Variants in LPP observed in about 807,000 individuals in gnomAD.
The protein encoded by LPP is LIM domain containing preferred translocation partner in lipoma, also known as lipoma-preferred partner.
LPP carries 38 observed loss-of-function variants against 60.4 expected under a neutral mutation model. The observed-to-expected ratio is 0.63, with a 90% CI of 0.49 to 0.83. LPP has a LOEUF of 0.83. Ranked by LOEUF, LPP falls within the 40% of genes least tolerant of loss-of-function variation. The pLI, the probability that LPP is intolerant of heterozygous loss-of-function variation, is 0.00. For synonymous variants in LPP, 328 were observed against 290.8 expected (o/e 1.13, Z -1.30); for missense variants, 902 against 783.6 (o/e 1.15, Z -1.80).
At chr3:188,369,736 A>G (rs1400733424) in intron 3 of LPP, among the ~76,000 whole-genome samples, 2 of 152,276 alleles carry the variant, frequency 1.3e-5, no homozygotes, top group East Asian at 1.9e-4. Context: ...GTGAATCAGC[A>G]GGACTGGCAG....
intron 6 of LPP, among the ~76,000 whole-genome samples, chr3:188,598,057 G>A (rs908457323): frequency 2.0e-5 from 3 of 152,126 alleles, no homozygotes; most frequent in Non-Finnish European, 4.4e-5. Context: ...GCATCATTTC[G>A]TTTGAAATCT....
At chr3:188,395,261 C>T (rs1780642370) in intron 3 of LPP, among the ~76,000 whole-genome samples, 1 of 152,040 alleles carries the variant, frequency 6.6e-6, no homozygotes, top group African/African-American at 2.4e-5. Context: ...TTCTATTGCC[C>T]AGGCTGGAGT....
intron 4 of LPP, among the ~76,000 whole-genome samples, chr3:188,469,599 C>T (rs1350248285): frequency 6.6e-6 from 1 of 152,046 alleles, no homozygotes; most frequent in East Asian, 1.9e-4. Context: ...AGTTCCTTTC[C>T]AAGATTTTTA....
chr3:188,615,307 A>C (rs1385648971), intron 7 of LPP, among the ~76,000 whole-genome samples: 1 of 152,082 alleles, frequency 6.6e-6, no homozygotes, highest in Non-Finnish European at 1.5e-5. Context: ...TCCTTCCCCA[A>C]ATAAAATCTA....
chr3:188,551,933 GA>G (rs1828241476), intron 6 of LPP, among the ~76,000 whole-genome samples: 1 of 152,172 alleles, frequency 6.6e-6, no homozygotes. Flanking sequence ...AGAATGATGT[GA>G]TGCCATCTTG....
chr3:188,214,450 T>C (rs1712689659), intron 1 of LPP, among the ~76,000 whole-genome samples: 1 of 152,182 alleles, frequency 6.6e-6, no homozygotes, highest in Non-Finnish European at 1.5e-5. Context: ...CTTGAGGGCC[T>C]TATTTTCCAG....
chr3:188,655,359 C>G, intron 7 of LPP, among the ~76,000 whole-genome samples: 1 of 151,842 alleles, frequency 6.6e-6, no homozygotes, highest in East Asian at 1.9e-4. Flanking sequence ...GAAAGGACAT[C>G]AGAAAAAAAA....
intron 8 of LPP, among the ~76,000 whole-genome samples, chr3:188,733,108 A>C (rs569610142): frequency 2.0e-5 from 3 of 152,152 alleles, no homozygotes; most frequent in African/African-American, 7.2e-5. Flanking sequence ...CCACATTTGA[A>C]CTTTATTATT....
chr3:188,361,765 G>C (rs1215036668), intron 3 of LPP, among the ~76,000 whole-genome samples: 1 of 151,860 alleles, frequency 6.6e-6, no homozygotes, highest in Non-Finnish European at 1.5e-5. Context: ...ATGGGGTTTT[G>C]CCATGTTGGC....
At chr3:188,505,664 G>A (rs1040594552) in intron 5 of LPP, among the ~76,000 whole-genome samples, 18 of 152,022 alleles carry the variant, frequency 1.2e-4, no homozygotes, top group Admixed American at 5.9e-4. Flanking sequence ...CAACTAAATC[G>A]TGTTCATTGA....
At chr3:188,608,083 A>AT (rs976148934) in intron 6 of LPP, among the ~76,000 whole-genome samples, 2 of 152,096 alleles carry the variant, frequency 1.3e-5, no homozygotes, top group Non-Finnish European at 2.9e-5. Context: ...TGCACAATAG[A>AT]TTAGACCAAA....
intron 2 of LPP, among the ~76,000 whole-genome samples, chr3:188,296,127 A>G (rs1747793952): frequency 6.6e-6 from 1 of 152,178 alleles, no homozygotes; most frequent in Admixed American, 6.5e-5. Context: ...TCTTCGTTTC[A>G]TGCCGGCACA....
intron 2 of LPP, among the ~76,000 whole-genome samples, chr3:188,308,852 C>CTTCTTGTTCTTG (rs142227161): frequency 6.6e-6 from 1 of 151,642 alleles, no homozygotes; most frequent in Non-Finnish European, 1.5e-5. Flanking sequence ...TCTTCTTGTT[C>CTTCTTGTTCTTG]TTCTTGTTCT....
intron 9 of LPP, among the ~76,000 whole-genome samples, chr3:188,782,061 G>C (rs1739966671): frequency 6.6e-6 from 1 of 152,028 alleles, no homozygotes. Flanking sequence ...CTTTTTACAT[G>C]GATCTTCTGA....
intron 3 of LPP, among the ~76,000 whole-genome samples, chr3:188,345,270 G>A (rs572453579): frequency 1.3e-5 from 2 of 152,212 alleles, no homozygotes; most frequent in East Asian, 3.9e-4. Flanking sequence ...AAACATAAAT[G>A]GACTCCAGGT....
At position 188,490,751 on chromosome 3, in the gene LPP, A is replaced by ATTTTT. The variant is rs58700818; in HGVS notation, c.306+6064_306+6068dup. Among the ~76,000 whole-genome samples, 6 of 91,736 alleles carry ATTTTT rather than the reference A, an allele frequency of 6.5e-5. 2 individuals carry two copies. Among genetic ancestry groups the ATTTTT allele is most frequent in the Non-Finnish European group, 8.3e-5 (4 of 48,304 alleles). 60.2% of individuals were successfully genotyped at this position (91,736 alleles called of 152,430 possible). The stretch of plus-strand genomic sequence containing the variant: ...AAGTTTTAGCAAAACTGGCACTGGA[A>ATTTTT]TTTTTTTTTTTTTTTTTTTTTGGGA... On this transcript the variant is annotated intron_variant, in intron 5 of 11. Transcript: ENST00000617246.
intron 8 of LPP, among the ~76,000 whole-genome samples, chr3:188,749,205 C>G (rs1184607808): frequency 6.6e-6 from 1 of 152,122 alleles, no homozygotes; most frequent in Non-Finnish European, 1.5e-5. Flanking sequence ...GGCAACAGCG[C>G]CTACTAGTGG....
At chr3:188,436,702 A>C (rs1792394501) in intron 4 of LPP, among the ~76,000 whole-genome samples, 1 of 152,208 alleles carries the variant, frequency 6.6e-6, no homozygotes, top group South Asian at 2.1e-4. Flanking sequence ...GAAAATAATT[A>C]GGTGTATAGT....
intron 1 of LPP, among the ~76,000 whole-genome samples, chr3:188,189,435 G>A (rs761963944): frequency 6.6e-6 from 1 of 152,152 alleles, no homozygotes; most frequent in African/African-American, 2.4e-5. Flanking sequence ...GCAGGCCAGG[G>A]CCCTCTCTCA....
Sources: allele counts gnomAD v4.1 joint callset (sites outside exome capture counted in the v4.1 genomes callset), GRCh38; gene constraint gnomAD v4.1.1; transcripts MANE v1.5; gene names NCBI Gene and HGNC (gene_info 2026-07-23, HGNC 2026-07-21).